The following PCDHGA11 variants were observed in gnomAD, a reference collection of about 807,000 sequenced individuals.
PCDHGA11 encodes the protein protocadherin gamma-A11.
A neutral mutation model predicts 60.4 loss-of-function variants in PCDHGA11; 39 were observed. The ratio of observed to expected loss-of-function variants is 0.65; its 90% CI spans 0.50 to 0.84. PCDHGA11 has a LOEUF of 0.84. Among genes scored for constraint, PCDHGA11 ranks in the 40% least tolerant of loss-of-function variants. The pLI is 0.00. For synonymous variants in PCDHGA11, 533 were observed against 510.3 expected (o/e 1.04, Z -0.60); for missense variants, 1,165 against 1,197.7 (o/e 0.97, Z 0.40).
intron 1 of PCDHGA11, chr5:141,440,709 A>C (rs1351127132): frequency 1.3e-5 from 2 of 152,216 alleles, no homozygotes; most frequent in Non-Finnish European, 2.9e-5. Context: ...GTGGAAAGAC[A>C]TATGTTGATC....
chr5:141,502,383 G>A (rs941410477), intron 2 of PCDHGA11, among the ~76,000 whole-genome samples: 2 of 151,846 alleles, frequency 1.3e-5, no homozygotes, highest in African/African-American at 4.8e-5. Context: ...CAGGCCAGTT[G>A]TACTTTAAAA....
chr5:141,478,660 T>C, intron 1 of PCDHGA11: 2 of 1,551,848 alleles, frequency 1.3e-6, no homozygotes, highest in Non-Finnish European at 1.7e-6. Flanking sequence ...TGGTGATGCA[T>C]TCACACTTTC....
At position 141,490,551 on chromosome 5, in the gene PCDHGA11, T is replaced by A; in HGVS notation, c.2434-4256T>A. On this transcript the variant is annotated intron_variant, in intron 1 of 3. Coordinates refer to ENST00000398587, the MANE Select transcript of PCDHGA11 (RefSeq NM_018914.3). This position sits in a 1 kb window ranked among gnomAD's most constrained non-coding sequence, Gnocchi z 5.4. ...CTGGTTCACCTTCCCTACACAAACA[T>A]CTCACCATCAGGCTCAACATTTCAG... is the stretch of plus-strand genomic sequence containing the variant. 1 of 1,614,088 alleles carries A rather than the reference T, an allele frequency of 6.2e-7. No individual in the cohort carries two copies. Among genetic ancestry groups the A allele is most frequent in the East Asian group, 2.2e-5 (1 of 44,874 alleles).
chr5:141,501,789 C>T (rs367954511), intron 2 of PCDHGA11, among the ~76,000 whole-genome samples: 1 of 152,262 alleles, frequency 6.6e-6, no homozygotes, highest in South Asian at 2.1e-4. Context: ...TCTCCCTCTG[C>T]TCATCTCTTA....
rs1267617024 is a variant in PCDHGA11 at position 141,476,542 on chromosome 5, G to T, written c.2434-18265G>T. The T allele has an allele frequency of 6.2e-7, 1 of 1,614,210 alleles. No individual in the cohort carries two copies. The highest frequency in any genetic ancestry group is 1.7e-5 in the Admixed American group (1 of 60,036). On this transcript the variant is annotated intron_variant, in intron 1 of 3. Transcript: ENST00000398587. This position sits in a 1 kb window ranked among gnomAD's most constrained non-coding sequence, Gnocchi z 7.6. ...CTTTCCCTACCCAGGAAATGAAATT[G>T]GAGATTAGCGAGGCCGTGGCTCCGG...
rs371139792 is a variant in PCDHGA11 at position 141,490,160 on chromosome 5, C to A, written c.2434-4647C>A. On this transcript the variant is annotated intron_variant, in intron 1 of 3. Transcript: ENST00000398587. This position sits in a 1 kb window ranked among gnomAD's most constrained non-coding sequence, Gnocchi z 5.4. The stretch of plus-strand genomic sequence containing the variant: ...AGTGGGGCAATCCATGTGTTGGGTC[C>A]CATAGACTTTGAGGAGTCACGTTTC... The A allele has an allele frequency of 5.6e-6, 9 of 1,614,192 alleles. No homozygotes were observed. The highest frequency in any genetic ancestry group is 7.6e-6 in the Non-Finnish European group (9 of 1,180,016).
At chr5:141,475,583 G>A (rs1181419200) in intron 1 of PCDHGA11, among the ~76,000 whole-genome samples, 1 of 152,198 alleles carries the variant, frequency 6.6e-6, no homozygotes, top group Non-Finnish European at 1.5e-5. Context: ...CAGATTTGTT[G>A]GTGTTTTTCC....
chr5:141,495,434 G>A (rs1038100521), intron 2 of PCDHGA11, among the ~76,000 whole-genome samples: 2 of 152,196 alleles, frequency 1.3e-5, no homozygotes, highest in Non-Finnish European at 2.9e-5. Flanking sequence ...ACTGTCCTCT[G>A]CCCCTACTTG....
rs776132438 is a variant in PCDHGA11 at position 141,432,197 on chromosome 5, G to A, written c.2433+8537G>A. The A allele has an allele frequency of 2.5e-6, 4 of 1,614,112 alleles. No individual in the cohort carries two copies. The South Asian group carries it at 3.3e-5, about 13-fold the overall frequency. The stretch of plus-strand genomic sequence containing the variant: ...CGTCTCTGTGACCGCCCACGACCCC[G>A]ACTGTGAAGAGAACGCCCAGATCAC... On this transcript the variant is annotated intron_variant, in intron 1 of 3. Coordinates refer to ENST00000398587, the MANE Select transcript of PCDHGA11 (RefSeq NM_018914.3). The surrounding 1 kb of genome is among the most constrained non-coding windows in gnomAD (Gnocchi z 6.0).
chr5:141,499,582 T>C (rs952280239), intron 2 of PCDHGA11, among the ~76,000 whole-genome samples: 7 of 152,164 alleles, frequency 4.6e-5, no homozygotes, highest in African/African-American at 7.2e-5. Flanking sequence ...TAATGCCTTA[T>C]CTTGTTTCAC....
At position 141,422,164 on chromosome 5, in the gene PCDHGA11, T is replaced by C. The variant is rs2096630287; in HGVS notation, c.937T>C (p.Tyr313His). 2 of 1,568,668 alleles carry C rather than the reference T, an allele frequency of 1.3e-6. No homozygotes were observed. Among genetic ancestry groups the C allele is most frequent in the Non-Finnish European group, 1.7e-6 (2 of 1,162,894 alleles). The change falls in exon 1 of 4, where the codon TAT becomes CAT. Residue 313 changes from tyrosine to histidine, a missense_variant. Coordinates refer to ENST00000398587, the MANE Select transcript of PCDHGA11 (RefSeq NM_018914.3). ...ACGGGGGTCTCTGGATTTTGAAAAA[T>C]ATAGATTCTATGAGATGGAAATTCA... is the stretch of plus-strand genomic sequence containing the variant. ...QVRGSLDFEK[Y>H]RFYEMEIQGQ...
chr5:141,422,499 A>G lies in PCDHGA11; in HGVS notation c.1272A>G (p.Thr424=). 3 of 1,614,036 alleles carry G rather than the reference A, an allele frequency of 1.9e-6. No homozygotes were observed. The South Asian group carries it at 3.3e-5, about 18-fold the overall frequency. The change falls in exon 1 of 4, where the codon ACA becomes ACG. Residue 424 remains threonine, a synonymous_variant. Coordinates refer to ENST00000398587, the MANE Select transcript of PCDHGA11 (RefSeq NM_018914.3). ...ELVQSYNITL[T]ATDQGSPPLS... is the part of the protein sequence containing the mutation. ...TCCAGAGCTACAATATAACGTTGAC[A>G]GCCACAGACCAGGGAAGCCCGCCTT...
At position 141,476,453 on chromosome 5, in the gene PCDHGA11, G is replaced by A. The variant is rs1432113874; in HGVS notation, c.2434-18354G>A. 3 of 1,614,138 alleles carry A rather than the reference G, an allele frequency of 1.9e-6. No individual in the cohort carries two copies. The East Asian group carries it at 6.7e-5, about 36-fold the overall frequency. ...CACTGTAACTCTGGAGTTGGTAGTG[G>A]AGAACCCGCTGGAGCTGTTCAGCGT... On this transcript the variant is annotated intron_variant, in intron 1 of 3. Transcript: ENST00000398587. The surrounding 1 kb of genome is among the most constrained non-coding windows in gnomAD (Gnocchi z 7.6).
At chr5:141,505,300 G>A in intron 2 of PCDHGA11, 93 bp from the exon 3 acceptor site, 1 of 1,589,042 alleles carries the variant, frequency 6.3e-7, no homozygotes, top group South Asian at 1.1e-5. Flanking sequence ...GGTAGGGTTA[G>A]GGTACTAGGT....
At position 141,491,711 on chromosome 5, in the gene PCDHGA11, C is replaced by T. The variant is rs528931820; in HGVS notation, c.2434-3096C>T. 1.5e-5 allele frequency: 24 copies of T among 1,609,240 alleles called. No homozygotes were observed. In the African/African-American group the frequency reaches 1.7e-4, roughly 12 times the overall value. On this transcript the variant is annotated intron_variant, in intron 1 of 3. Transcript: ENST00000398587. This position sits in a 1 kb window ranked among gnomAD's most constrained non-coding sequence, Gnocchi z 6.9. ...CGGGAGCGGAGCCAGGTGAGGGGCT[C>T]GGCGCCGCCCCGGGCGACCCCTGGG... is the stretch of plus-strand genomic sequence containing the variant.
At chr5:141,444,531 C>T (rs1021207516) in intron 1 of PCDHGA11, among the ~76,000 whole-genome samples, 2 of 152,100 alleles carry the variant, frequency 1.3e-5, no homozygotes, top group Non-Finnish European at 1.5e-5. Context: ...GAGACAGTGA[C>T]TGTGTCTAGT....
chr5:141,472,979 T>TAAAA (rs2099307936), intron 1 of PCDHGA11, among the ~76,000 whole-genome samples: 1 of 21,094 alleles, frequency 4.7e-5, no homozygotes, highest in Non-Finnish European at 9.8e-5. Context: ...AGAGTGAAAC[T>TAAAA]CAAAAAAAAA....
chr5:141,432,237 A>T lies in PCDHGA11; in HGVS notation c.2433+8577A>T. ...GCCCAGATCACTTATTCCCTGGCTG[A>T]GAACACCATCCAAGGGGCAAGCCTA... On this transcript the variant is annotated intron_variant, in intron 1 of 3. Transcript: ENST00000398587. The surrounding 1 kb of genome is among the most constrained non-coding windows in gnomAD (Gnocchi z 6.0). The T allele has an allele frequency of 2.5e-6, 4 of 1,614,224 alleles. No individual in the cohort carries two copies. Among genetic ancestry groups the T allele is most frequent in the Non-Finnish European group, 3.4e-6 (4 of 1,180,032 alleles).
In PCDHGA11 at chr5:141,486,499, C is replaced by G. The variant is rs1487201957; in HGVS notation, c.2434-8308C>G. 2 of 1,614,010 alleles carry G rather than the reference C, an allele frequency of 1.2e-6. No homozygotes were observed. Among genetic ancestry groups the G allele is most frequent in the Non-Finnish European group, 1.7e-6 (2 of 1,179,874 alleles). On this transcript the variant is annotated intron_variant, in intron 1 of 3. Coordinates refer to ENST00000398587, the MANE Select transcript of PCDHGA11 (RefSeq NM_018914.3). This position sits in a 1 kb window ranked among gnomAD's most constrained non-coding sequence, Gnocchi z 5.0. ...CTCTCAGTACCCACAGAACTATTTT[C>G]CTCAATATTTCAGATGTGAATGATA...
Sources: gnomAD v4.1 joint callset for allele counts (sites outside exome capture counted in the v4.1 genomes callset) on GRCh38, gnomAD v4.1.1 for gene constraint, Gnocchi (gnomAD v3.1) non-coding constraint, MANE v1.5 for transcripts, NCBI Gene and HGNC (gene_info 2026-07-23, HGNC 2026-07-21) for gene names.